Variants in LMX1A observed in about 807,000 individuals in gnomAD.
LMX1A encodes the protein LIM homeobox transcription factor 1-alpha.
In LMX1A, 15 loss-of-function variants were observed where a neutral mutation model predicts 49.1. The observed-to-expected ratio is 0.31, with a 90% confidence interval of 0.20 to 0.47. The LOEUF (loss-of-function observed/expected upper bound fraction) is 0.47, where lower values mean the gene tolerates loss of function less well. Ranked by LOEUF, LMX1A falls within the 20% of genes least tolerant of loss-of-function variation. LMX1A has a pLI of 1.00. For synonymous variants in LMX1A, 167 were observed against 185.7 expected, an observed-to-expected ratio of 0.90 and a Z score of 0.82; for missense variants, 372 against 475.8, an observed-to-expected ratio of 0.78 and a Z score of 2.03.
chr1:165,272,367 C>T (rs1438444937), intron 3 of LMX1A, among the ~76,000 whole-genome samples: 1 of 152,224 alleles, frequency 6.6e-6, no homozygotes, highest in East Asian at 1.9e-4. Flanking sequence ...GATCTGGTTA[C>T]ACTGGTGGCT....
intron 3 of LMX1A, among the ~76,000 whole-genome samples, chr1:165,331,448 C>CTTTTTTATTTAATCATTTA (rs2101752654): frequency 6.6e-6 from 1 of 152,188 alleles, no homozygotes; most frequent in South Asian, 2.1e-4. Context: ...CTTTTTAATT[C>CTTTTTTATTTAATCATTTA]ATTTAAATTT....
chr1:165,317,344 T>A (rs980977671), intron 3 of LMX1A, among the ~76,000 whole-genome samples: 1 of 152,220 alleles, frequency 6.6e-6, no homozygotes. Context: ...GGGAAAATTA[T>A]AAAGGAGGCA....
At chr1:165,303,935 A>G (rs533999933) in intron 3 of LMX1A, among the ~76,000 whole-genome samples, 10 of 152,220 alleles carry the variant, frequency 6.6e-5, no homozygotes, top group African/African-American at 2.4e-4. Flanking sequence ...ACCCCACGCC[A>G]GAGATTGTTG....
At chr1:165,302,668 A>G (rs945310159) in intron 3 of LMX1A, among the ~76,000 whole-genome samples, 12 of 152,152 alleles carry the variant, frequency 7.9e-5, no homozygotes, top group Admixed American at 2.0e-4. Flanking sequence ...CCTGGCCATA[A>G]TGAAGACGAA....
chr1:165,231,896 C>T (rs1652253100), intron 4 of LMX1A, among the ~76,000 whole-genome samples: 1 of 151,172 alleles, frequency 6.6e-6, no homozygotes. Context: ...ATCTGCGATT[C>T]CTGGGAATTC....
At chr1:165,309,110 G>A (rs888661834) in intron 3 of LMX1A, among the ~76,000 whole-genome samples, 6 of 151,778 alleles carry the variant, frequency 4.0e-5, no homozygotes, top group African/African-American at 9.7e-5. Flanking sequence ...CCCCCTCCCC[G>A]CCCTGCCACC....
chr1:165,265,804 G>C (rs1005171696), intron 3 of LMX1A, among the ~76,000 whole-genome samples: 12 of 152,188 alleles, frequency 7.9e-5, no homozygotes, highest in Middle Eastern at 3.4e-3. Context: ...AAAAGGGGTA[G>C]ACAAAACCCA....
At chr1:165,217,577 T>A (rs1174676555) in intron 4 of LMX1A, among the ~76,000 whole-genome samples, 1 of 152,224 alleles carries the variant, frequency 6.6e-6, no homozygotes, top group Non-Finnish European at 1.5e-5. Flanking sequence ...CCCCTGCATA[T>A]ACTCAAGTGC....
At chr1:165,241,739 A>T (rs183851398) in intron 4 of LMX1A, among the ~76,000 whole-genome samples, 1 of 152,358 alleles carries the variant, frequency 6.6e-6, no homozygotes, top group African/African-American at 2.4e-5. Flanking sequence ...CTGCTTCTCT[A>T]GTCTAATTTA....
intron 3 of LMX1A, among the ~76,000 whole-genome samples, chr1:165,324,175 T>TAG (rs1156677792): frequency 2.0e-5 from 3 of 152,224 alleles, no homozygotes; most frequent in Non-Finnish European, 4.4e-5. Flanking sequence ...CAGTGCCTGC[T>TAG]TTTTCAGACA....
chr1:165,352,162 G>C (rs944990823), intron 3 of LMX1A, among the ~76,000 whole-genome samples: 15 of 152,186 alleles, frequency 9.9e-5, no homozygotes, highest in African/African-American at 2.4e-4. Flanking sequence ...AGCTCCTCCC[G>C]GCACGCCCGG....
At chr1:165,215,602 C>T (rs2102606051) in intron 4 of LMX1A, among the ~76,000 whole-genome samples, 1 of 152,290 alleles carries the variant, frequency 6.6e-6, no homozygotes, top group South Asian at 2.1e-4. Context: ...TAGACATTAG[C>T]TGAGTTCTCA....
At chr1:165,267,818 TG>T (rs1653674316) in intron 3 of LMX1A, among the ~76,000 whole-genome samples, 1 of 152,110 alleles carries the variant, frequency 6.6e-6, no homozygotes, top group Admixed American at 6.6e-5. Context: ...AATTCAGTAC[TG>T]GGGAGGTCAG....
At chr1:165,337,243 C>G (rs377647834) in intron 3 of LMX1A, among the ~76,000 whole-genome samples, 1 of 152,130 alleles carries the variant, frequency 6.6e-6, no homozygotes, top group Non-Finnish European at 1.5e-5. Flanking sequence ...AATTCTAAAT[C>G]TTACTCTAAA....
intron 3 of LMX1A, among the ~76,000 whole-genome samples, chr1:165,345,802 G>T (rs1342435085): frequency 6.6e-6 from 1 of 152,202 alleles, no homozygotes; most frequent in Non-Finnish European, 1.5e-5. Context: ...GCTAAGGTGG[G>T]AGGATCGCTT....
chr1:165,275,262 C>T (rs1571195274), intron 3 of LMX1A, among the ~76,000 whole-genome samples: 1 of 152,324 alleles, frequency 6.6e-6, no homozygotes, highest in East Asian at 1.9e-4. Context: ...ATCAGGCAAG[C>T]AATTTGCTTC....
intron 3 of LMX1A, among the ~76,000 whole-genome samples, chr1:165,307,651 C>T (rs1204738549): frequency 6.6e-6 from 1 of 152,194 alleles, no homozygotes; most frequent in Non-Finnish European, 1.5e-5. Context: ...ACCCTCAATA[C>T]CCTTACAACA....
chr1:165,249,215 T>C (rs1652963812), intron 4 of LMX1A, among the ~76,000 whole-genome samples, 193 bp downstream of exon 4: 1 of 152,208 alleles, frequency 6.6e-6, no homozygotes, highest in African/African-American at 2.4e-5. Flanking sequence ...TTATGCACCA[T>C]TGTCATGGTA....
At chr1:165,282,660 G>A (rs1200765531) in intron 3 of LMX1A, among the ~76,000 whole-genome samples, 2 of 152,104 alleles carry the variant, frequency 1.3e-5, no homozygotes, top group African/African-American at 4.8e-5. Flanking sequence ...CTCCATCCAT[G>A]CTTCCACTCA....
Sources: allele counts gnomAD v4.1 joint callset (sites outside exome capture counted in the v4.1 genomes callset), GRCh38; gene constraint gnomAD v4.1.1; transcripts MANE v1.5; gene names NCBI Gene and HGNC (gene_info 2026-07-23, HGNC 2026-07-21).